Variants in CDKL5 observed in about 807,000 individuals in gnomAD.
CDKL5 encodes the protein cyclin-dependent kinase-like 5.
Under a neutral mutation model 61.7 loss-of-function variants are expected in CDKL5, and 8 were observed. The ratio of observed to expected loss-of-function variants is 0.13; its 90% CI spans 0.08 to 0.23. CDKL5 has a LOEUF of 0.23. Ranked by LOEUF, CDKL5 falls within the 10% of genes least tolerant of loss-of-function variation. The pLI is 1.00. For synonymous variants in CDKL5, 275 were observed against 272.3 expected (o/e 1.01, Z -0.10); for missense variants, 440 against 734.5 (o/e 0.60, Z 4.63).
exon 21 of CDKL5, chrX:18,650,564 T>G: frequency 8.2e-7 from 1 of 1,212,155 alleles, no homozygotes; most frequent in Non-Finnish European, 1.1e-6. Flanking sequence ...GAGGCACTGA[T>G]GCTTTCAGCT....
intron 10 of CDKL5, among the ~76,000 whole-genome samples, chrX:18,596,369 C>T (rs1925995316): frequency 9.0e-6 from 1 of 111,476 alleles, no homozygotes. Flanking sequence ...GGAAAGGCCA[C>T]ATACCATACA....
intron 2 of CDKL5, among the ~76,000 whole-genome samples, chrX:18,509,201 A>ACGCG (rs1452080481): frequency 1.9e-4 from 12 of 61,607 alleles, no homozygotes; most frequent in Middle Eastern, 7.8e-3. Context: ...AAACACGCAC[A>ACGCG]CACACACACA....
At chrX:18,525,856 C>G (rs745609164) in intron 3 of CDKL5, among the ~76,000 whole-genome samples, 1 of 108,605 alleles carries the variant, frequency 9.2e-6, no homozygotes, top group Non-Finnish European at 1.9e-5. Context: ...AAGCGCTTCT[C>G]CTGCCTCAGC....
intron 3 of CDKL5, among the ~76,000 whole-genome samples, chrX:18,561,579 T>A (rs191215646): frequency 2.3e-4 from 26 of 111,246 alleles, no homozygotes; most frequent in African/African-American, 7.8e-4. Flanking sequence ...TAAAACAGTT[T>A]AAGGTCACAA....
chrX:18,612,181 T>C (rs1416427751), intron 14 of CDKL5, among the ~76,000 whole-genome samples: 1 of 112,213 alleles, frequency 8.9e-6, no homozygotes, highest in Non-Finnish European at 1.9e-5. Context: ...CTGTGTAATT[T>C]TGTTTAAAAA....
rs760568446 is a variant in CDKL5, at chrX:18,650,554, G to A, written c.2942G>A (p.Arg981Gln). Reference sequence around the variant, plus strand: ...TCCATGTGCCCGACACTCCAGGTCCGAGGCACTGATGCTTTCAGCTGCCCA... The same window carrying A: ...TCCATGTGCCCGACACTCCAGGTCCAAGGCACTGATGCTTTCAGCTGCCCA... The change falls in exon 21 of 22, where the codon CGA (arginine) becomes CAA (glutamine). Residue 981 changes from arginine to glutamine, a missense_variant. By Grantham distance (43) the Arg-to-Gln change is conservative. Transcript: ENST00000379989. 10 of 1,210,751 alleles carry A rather than the reference G, an allele frequency of 8.3e-6. No individual in the cohort carries two copies. The highest frequency in any genetic ancestry group is 3.0e-5 in the East Asian group (1 of 33,797).
intron 3 of CDKL5, among the ~76,000 whole-genome samples, chrX:18,559,119 C>T (rs1924703226): frequency 8.9e-6 from 1 of 112,729 alleles, no homozygotes; most frequent in African/African-American, 3.2e-5. Flanking sequence ...GGCTGGGGTG[C>T]ATCAGTTCAT....
At chrX:18,450,599 A>C (rs1444149713) in intron 1 of CDKL5, among the ~76,000 whole-genome samples, 1 of 110,857 alleles carries the variant, frequency 9.0e-6, no homozygotes, top group East Asian at 2.8e-4. Context: ...TTTGAGACAG[A>C]GTTTTGCTCT....
intron 19 of CDKL5, among the ~76,000 whole-genome samples, chrX:18,645,303 C>T (rs1404105652): frequency 9.0e-6 from 1 of 111,163 alleles, no homozygotes; most frequent in African/African-American, 3.3e-5. Context: ...CCTTGGGTGG[C>T]TCCTGACTTT....
At chrX:18,433,528 C>T (rs754473964) in intron 1 of CDKL5, among the ~76,000 whole-genome samples, 1 of 112,092 alleles carries the variant, frequency 8.9e-6, no homozygotes, top group African/African-American at 3.2e-5. Flanking sequence ...CCAGCCTGAG[C>T]AACAAGAGCG....
chrX:18,539,899 T>C (rs1278079299), intron 3 of CDKL5, among the ~76,000 whole-genome samples: 1 of 111,786 alleles, frequency 8.9e-6, no homozygotes, highest in Non-Finnish European at 1.9e-5. Flanking sequence ...AAGTGAAGTG[T>C]AGAAATCTTA....
chrX:18,472,178 G>T (rs1921119909), intron 1 of CDKL5, among the ~76,000 whole-genome samples: 1 of 112,197 alleles, frequency 8.9e-6, no homozygotes, highest in African/African-American at 3.2e-5. Context: ...ATCAGTAGAT[G>T]ATAGCAATGT....
intron 12 of CDKL5, among the ~76,000 whole-genome samples, chrX:18,608,508 A>G (rs775381190): frequency 1.7e-4 from 19 of 111,662 alleles, no homozygotes; most frequent in African/African-American, 6.2e-4. Context: ...GCTCAGAACC[A>G]TGACTGTCTA....
chrX:18,650,195 T>A (rs889190586), intron 20 of CDKL5: 2 of 467,002 alleles, frequency 4.3e-6, no homozygotes, highest in African/African-American at 4.7e-5. Flanking sequence ...CCAGGGCCAA[T>A]GGCCTTGACA....
intron 1 of CDKL5, chrX:18,442,239 G>C (rs1931762058): frequency 9.0e-6 from 1 of 110,841 alleles, no homozygotes; most frequent in African/African-American, 3.3e-5. Flanking sequence ...AGTTGGAGGA[G>C]GAAGACCCTA....
intron 17 of CDKL5, among the ~76,000 whole-genome samples, chrX:18,627,945 C>T (rs1298996275): frequency 9.0e-6 from 1 of 111,549 alleles, no homozygotes; most frequent in Non-Finnish European, 1.9e-5. Flanking sequence ...GCTTCTCTTG[C>T]TGCTAGATAT....
At chrX:18,650,730 G>T in intron 21 of CDKL5, 1 of 738,306 alleles carries the variant, frequency 1.4e-6, no homozygotes, top group Non-Finnish European at 2.0e-6. Context: ...GGACAAAGCT[G>T]CAGGTGATTG....
chrX:18,426,777 G>C (rs1391283567), intron 1 of CDKL5: 2 of 112,400 alleles, frequency 1.8e-5, no homozygotes, highest in African/African-American at 6.5e-5. Flanking sequence ...GTCTGAGAGC[G>C]TTTGTCAGAA....
chrX:18,644,564 TCTC>T (rs1927702371), downstream of CDKL5: 1 of 1,211,487 alleles, frequency 8.3e-7, no homozygotes. Flanking sequence ...ATCACTTTGA[TCTC>T]CTTCAGATCT....
Sources: allele counts gnomAD v4.1 joint callset (sites outside exome capture counted in the v4.1 genomes callset), GRCh38; gene constraint gnomAD v4.1.1; transcripts MANE v1.5; gene names NCBI Gene and HGNC (gene_info 2026-07-23, HGNC 2026-07-21).